TTLL5: variants seen among roughly 807,000 people sequenced by gnomAD.
The protein encoded by TTLL5 is tubulin polyglutamylase TTLL5.
In TTLL5, 132 loss-of-function variants were observed where a neutral mutation model predicts 168.4. That is an observed-to-expected ratio of 0.78 (90% CI 0.68 to 0.91). TTLL5 has a LOEUF of 0.91. Ranked by LOEUF, TTLL5 falls within the 40% of genes least tolerant of loss-of-function variation. The probability of loss-of-function intolerance (pLI) is 0.00; values close to 1 mark genes in which losing one functional copy is unlikely to be tolerated. For synonymous variants in TTLL5, 546 were observed against 558.6 expected (o/e 0.98, Z 0.32); for missense variants, 1,545 against 1,581.5 (o/e 0.98, Z 0.39).
intron 29 of TTLL5, among the ~76,000 whole-genome samples, chr14:75,875,572 C>T (rs1041258051): frequency 4.6e-5 from 7 of 151,144 alleles, no homozygotes; most frequent in African/African-American, 1.7e-4. Flanking sequence ...ATATTGTGAA[C>T]ATATTTACAT....
chr14:75,720,836 T>C, intron 12 of TTLL5, 133 bp downstream of exon 12: 1 of 745,248 alleles, frequency 1.3e-6, no homozygotes, highest in African/African-American at 1.7e-5. Context: ...TCTAAGCTCA[T>C]GTAGCATATG....
intron 14 of TTLL5, among the ~76,000 whole-genome samples, chr14:75,734,546 T>C (rs1888766276): frequency 6.6e-6 from 1 of 152,214 alleles, no homozygotes; most frequent in Non-Finnish European, 1.5e-5. Context: ...GGTTTTTTTT[T>C]AGGTACTATA....
At chr14:75,915,588 C>T (rs1488852905) in intron 31 of TTLL5, among the ~76,000 whole-genome samples, 1 of 152,128 alleles carries the variant, frequency 6.6e-6, no homozygotes, top group Non-Finnish European at 1.5e-5. Context: ...CCTCAGTTTC[C>T]TCATCTATAC....
chr14:75,934,057 C>T (rs2034359726), intron 31 of TTLL5, among the ~76,000 whole-genome samples: 3 of 152,168 alleles, frequency 2.0e-5, no homozygotes, highest in Admixed American at 1.3e-4. Context: ...CCCTATCAAG[C>T]GAATACAGCT....
chr14:75,750,334 C>T (rs117831569), intron 17 of TTLL5, among the ~76,000 whole-genome samples: 1,878 of 151,690 alleles, frequency 0.012, 15 homozygotes, highest in South Asian at 0.024. Flanking sequence ...GGATTATCAG[C>T]GGAGGATACC....
At chr14:75,867,773 A>G (rs949941297) in intron 29 of TTLL5, among the ~76,000 whole-genome samples, 5 of 151,212 alleles carry the variant, frequency 3.3e-5, no homozygotes, top group African/African-American at 1.2e-4. Context: ...AAAAAAAAAA[A>G]GCAAAAAAAA....
intron 2 of TTLL5, among the ~76,000 whole-genome samples, chr14:75,667,528 C>G (rs1333823406): frequency 1.3e-5 from 2 of 152,158 alleles, no homozygotes; most frequent in African/African-American, 2.4e-5. Context: ...AAAAGGTACC[C>G]TATCAGCACC....
chr14:75,702,421 T>C (rs1886334754), intron 7 of TTLL5, among the ~76,000 whole-genome samples: 1 of 152,266 alleles, frequency 6.6e-6, no homozygotes, highest in Non-Finnish European at 1.5e-5. Context: ...CCAAATGGAA[T>C]TGCTATTGAA....
At chr14:75,922,990 C>A (rs1340042410) in intron 31 of TTLL5, among the ~76,000 whole-genome samples, 3 of 152,148 alleles carry the variant, frequency 2.0e-5, no homozygotes, top group African/African-American at 7.2e-5. Flanking sequence ...TTATCCATTT[C>A]TTCTAGATTT....
chr14:75,714,228 T>C (rs1178332676), intron 9 of TTLL5, among the ~76,000 whole-genome samples: 1 of 152,196 alleles, frequency 6.6e-6, no homozygotes, highest in Non-Finnish European at 1.5e-5. Flanking sequence ...GCATTATATG[T>C]GATGGCACAT....
At chr14:75,898,713 A>T (rs2032786433) in intron 30 of TTLL5, among the ~76,000 whole-genome samples, 1 of 152,236 alleles carries the variant, frequency 6.6e-6, no homozygotes, top group Admixed American at 6.5e-5. Flanking sequence ...TTCTAAATAC[A>T]AACCTACTTC....
intron 31 of TTLL5, among the ~76,000 whole-genome samples, chr14:75,933,791 G>A (rs1384702406): frequency 6.6e-6 from 1 of 152,220 alleles, no homozygotes; most frequent in East Asian, 1.9e-4. Flanking sequence ...AAGTTAAAAT[G>A]AGGCCATGCG....
intron 31 of TTLL5, among the ~76,000 whole-genome samples, chr14:75,915,811 C>A (rs2033595677): frequency 6.6e-6 from 1 of 151,804 alleles, no homozygotes; most frequent in African/African-American, 2.4e-5. Flanking sequence ...CACCTCACAC[C>A]TTTAGGATGG....
chr14:75,930,573 A>G, intron 31 of TTLL5: 1 of 981,750 alleles, frequency 1.0e-6, no homozygotes, highest in Non-Finnish European at 1.2e-6. Flanking sequence ...TATATTATTA[A>G]TTAAATATCT....
chr14:75,689,298 T>C (rs997321035), intron 5 of TTLL5: 1 of 152,212 alleles, frequency 6.6e-6, no homozygotes, highest in African/African-American at 2.4e-5. Flanking sequence ...TGTAACCTCA[T>C]AAAGGACCTT....
At chr14:75,849,750 A>G (rs1340415903) in intron 28 of TTLL5, among the ~76,000 whole-genome samples, 1 of 152,228 alleles carries the variant, frequency 6.6e-6, no homozygotes, top group Non-Finnish European at 1.5e-5. Flanking sequence ...CCAAGGCATA[A>G]TGAAATCTTG....
intron 24 of TTLL5, among the ~76,000 whole-genome samples, chr14:75,782,214 T>A (rs562119106): frequency 6.6e-6 from 1 of 152,252 alleles, no homozygotes. Flanking sequence ...CCCTAGCTTG[T>A]TGGCTGTCCG....
At chr14:75,728,421 A>G (rs555628130) in intron 12 of TTLL5, among the ~76,000 whole-genome samples, 17 of 151,884 alleles carry the variant, frequency 1.1e-4, no homozygotes, top group African/African-American at 4.1e-4. Context: ...AGAAAGAGAG[A>G]TAGAGATTTG....
At chr14:75,675,810 TAGAACCAATA>T (rs750183789) in intron 3 of TTLL5, among the ~76,000 whole-genome samples, 1 of 152,058 alleles carries the variant, frequency 6.6e-6, no homozygotes, top group Non-Finnish European at 1.5e-5. Context: ...TCCAGAGAAA[TAGAACCAATA>T]GGATACAAGG....
Sources: gnomAD v4.1 joint callset for allele counts (sites outside exome capture counted in the v4.1 genomes callset) on GRCh38, gnomAD v4.1.1 for gene constraint, MANE v1.5 for transcripts, NCBI Gene and HGNC (gene_info 2026-07-23, HGNC 2026-07-21) for gene names.